The following BRINP3 variants were observed in gnomAD, a reference collection of about 807,000 sequenced individuals.
The protein encoded by BRINP3 is BMP/retinoic acid-inducible neural-specific protein 3.
BRINP3 carries 19 observed loss-of-function variants against 71.0 expected under a neutral mutation model. The ratio of observed to expected loss-of-function variants is 0.27; its 90% CI spans 0.19 to 0.39. BRINP3 has a LOEUF of 0.39. Ranked by LOEUF, BRINP3 falls within the 10% of genes least tolerant of loss-of-function variation. The pLI is 1.00. For missense variants in BRINP3, 959 were observed against 940.8 expected (o/e 1.02, Z -0.25); for synonymous variants, 380 against 337.7 (o/e 1.13, Z -1.37).
intron 6 of BRINP3, among the ~76,000 whole-genome samples, chr1:190,165,426 G>A (rs1651410725): frequency 8.1e-6 from 1 of 123,166 alleles, no homozygotes; most frequent in Non-Finnish European, 1.6e-5. Flanking sequence ...TAGCAAGTAT[G>A]CTCTGTTTCA....
chr1:190,384,479 T>G (rs1430628804), intron 2 of BRINP3, among the ~76,000 whole-genome samples: 1 of 151,800 alleles, frequency 6.6e-6, no homozygotes, highest in Admixed American at 6.6e-5. Flanking sequence ...ATATCACATA[T>G]ATATCAAAAT....
At chr1:190,242,813 G>A (rs112952643) in intron 4 of BRINP3, among the ~76,000 whole-genome samples, 128 of 152,074 alleles carry the variant, frequency 8.4e-4, no homozygotes, top group African/African-American at 2.9e-3. Flanking sequence ...AAAATGTAGA[G>A]CAAAATATAT....
At chr1:190,378,290 C>T (rs918428223) in intron 2 of BRINP3, among the ~76,000 whole-genome samples, 2 of 152,138 alleles carry the variant, frequency 1.3e-5, no homozygotes, top group Non-Finnish European at 2.9e-5. Context: ...AACAAAAATG[C>T]TGTAGGAAAA....
At chr1:190,264,321 A>G (rs1170685963) in intron 4 of BRINP3, among the ~76,000 whole-genome samples, 2 of 152,086 alleles carry the variant, frequency 1.3e-5, no homozygotes, top group Admixed American at 6.6e-5. Flanking sequence ...ATATTAATCC[A>G]CCAATTCTAG....
intron 7 of BRINP3, among the ~76,000 whole-genome samples, chr1:190,117,856 C>T (rs1410070606): frequency 1.3e-5 from 2 of 151,930 alleles, no homozygotes; most frequent in African/African-American, 4.8e-5. Context: ...CTTTTTCAGT[C>T]GTTTCTTTTT....
intron 7 of BRINP3, among the ~76,000 whole-genome samples, chr1:190,153,735 C>A (rs1435840554): frequency 6.6e-6 from 1 of 152,088 alleles, no homozygotes; most frequent in Non-Finnish European, 1.5e-5. Flanking sequence ...GTGGCTCATG[C>A]CTGTAGTCCC....
intron 6 of BRINP3, among the ~76,000 whole-genome samples, chr1:190,202,813 A>G (rs1655124424): frequency 1.3e-5 from 2 of 152,112 alleles, no homozygotes; most frequent in South Asian, 4.1e-4. Context: ...CTCCCCAGCC[A>G]TGTAGAACTG....
chr1:190,209,751 C>T (rs963596240), intron 6 of BRINP3, among the ~76,000 whole-genome samples: 2 of 151,970 alleles, frequency 1.3e-5, no homozygotes, highest in African/African-American at 4.8e-5. Flanking sequence ...GTCTAAAATC[C>T]AAAAGTTCAG....
At chr1:190,102,503 A>G (rs1356377171) in intron 7 of BRINP3, among the ~76,000 whole-genome samples, 2 of 152,170 alleles carry the variant, frequency 1.3e-5, no homozygotes, top group Non-Finnish European at 2.9e-5. Flanking sequence ...AATTGTGACC[A>G]CATGGGTGGC....
intron 2 of BRINP3, among the ~76,000 whole-genome samples, chr1:190,428,100 A>AT (rs201911940): frequency 1.3e-3 from 189 of 151,180 alleles, no homozygotes; most frequent in Non-Finnish European, 2.1e-3. Context: ...CAAGGCAAAT[A>AT]TTTTTTTTTC....
intron 6 of BRINP3, among the ~76,000 whole-genome samples, chr1:190,186,443 A>C (rs555585995): frequency 6.5e-4 from 99 of 152,190 alleles, no homozygotes; most frequent in Non-Finnish European, 1.0e-3. Context: ...TTTTTTGCCT[A>C]GATCCAGGAA....
chr1:190,227,063 CAAA>C (rs1657457375), intron 5 of BRINP3, among the ~76,000 whole-genome samples: 1 of 151,654 alleles, frequency 6.6e-6, no homozygotes, highest in African/African-American at 2.4e-5. Context: ...TACGATATTT[CAAA>C]AATGTAGTTT....
chr1:190,154,966 G>T (rs1461274104), intron 7 of BRINP3, among the ~76,000 whole-genome samples: 2 of 152,046 alleles, frequency 1.3e-5, no homozygotes, highest in Non-Finnish European at 2.9e-5. Flanking sequence ...TAACGGCAAT[G>T]ATAACAATAA....
chr1:190,453,460 G>A (rs546683197), intron 2 of BRINP3, among the ~76,000 whole-genome samples: 1 of 151,144 alleles, frequency 6.6e-6, no homozygotes, highest in Non-Finnish European at 1.5e-5. Context: ...CTCGTGATCC[G>A]CCCGTCTCTG....
intron 6 of BRINP3, among the ~76,000 whole-genome samples, chr1:190,186,891 A>G (rs974719221): frequency 2.6e-5 from 4 of 152,204 alleles, no homozygotes; most frequent in East Asian, 1.9e-4. Flanking sequence ...CCAGGATTCT[A>G]TATTTTTAAA....
chr1:190,286,585 C>T (rs1396209679), intron 2 of BRINP3, among the ~76,000 whole-genome samples: 1 of 152,078 alleles, frequency 6.6e-6, no homozygotes, highest in African/African-American at 2.4e-5. Flanking sequence ...AAAAGATTTA[C>T]CTTTAACTGT....
At chr1:190,355,643 T>C (rs1260004029) in intron 2 of BRINP3, among the ~76,000 whole-genome samples, 2 of 151,920 alleles carry the variant, frequency 1.3e-5, no homozygotes, top group Non-Finnish European at 2.9e-5. Context: ...TTCCTAGAAC[T>C]AAAATTAAGA....
At chr1:190,099,607 T>C (rs1651517707) in intron 7 of BRINP3, among the ~76,000 whole-genome samples, 1 of 152,084 alleles carries the variant, frequency 6.6e-6, no homozygotes, top group Non-Finnish European at 1.5e-5. Context: ...TATAAACCAC[T>C]AGTGTTGCAG....
intron 2 of BRINP3, among the ~76,000 whole-genome samples, chr1:190,350,549 T>A (rs1435135959): frequency 1.3e-5 from 2 of 152,116 alleles, no homozygotes; most frequent in Non-Finnish European, 2.9e-5. Flanking sequence ...ACCATGTGCA[T>A]CCCTGGATTC....
Sources: gnomAD v4.1 joint callset for allele counts (sites outside exome capture counted in the v4.1 genomes callset) on GRCh38, gnomAD v4.1.1 for gene constraint, MANE v1.5 for transcripts, NCBI Gene and HGNC (gene_info 2026-07-23, HGNC 2026-07-21) for gene names.